Variants in GJB1 observed in about 807,000 individuals in gnomAD.
GJB1 encodes gap junction beta-1 protein.
Under a neutral mutation model 12.0 loss-of-function variants are expected in GJB1, and 1 was observed. The observed-to-expected ratio is 0.08, with a 90% CI of 0.03 to 0.40. The LOEUF is 0.40. Among genes scored for constraint, GJB1 ranks in the 10% least tolerant of loss-of-function variants. The probability of loss-of-function intolerance (pLI) is 0.98; values close to 1 mark genes in which losing one functional copy is unlikely to be tolerated. For missense variants in GJB1, 140 were observed against 250.3 expected, an observed-to-expected ratio of 0.56 and a Z score of 2.97; for synonymous variants, 114 against 102.8, an observed-to-expected ratio of 1.11 and a Z score of -0.66.
chrX:71,219,313 C>T (rs1316571277), upstream of GJB1, among the ~76,000 whole-genome samples: 1 of 109,232 alleles, frequency 9.2e-6, no homozygotes, highest in Non-Finnish European at 1.9e-5. Context: ...ATGGCACCAG[C>T]CACCATGCCT....
At chrX:71,217,137 T>TGTGTGTGTGTGTGTGC (rs1425482621) in intron 1 of GJB1, among the ~76,000 whole-genome samples, 12 of 108,729 alleles carry the variant, frequency 1.1e-4, no homozygotes, top group African/African-American at 4.0e-4. Flanking sequence ...TGTGTGTGTG[T>TGTGTGTGTGTGTGTGC]GTGCGTGTGC....
chrX:71,218,386 T>A (rs2092529388), upstream of GJB1, among the ~76,000 whole-genome samples: 1 of 84,249 alleles, frequency 1.2e-5, no homozygotes, highest in Admixed American at 1.3e-4. Flanking sequence ...TCCCTGTTCC[T>A]TTTTTTTTTT....
upstream of GJB1, among the ~76,000 whole-genome samples, chrX:71,219,882 G>T (rs1303542334): frequency 1.1e-5 from 1 of 92,991 alleles, no homozygotes; most frequent in African/African-American, 4.0e-5. Context: ...TCGTTCTGTC[G>T]CCCAGCCTGG....
At chrX:71,219,323 T>A (rs1019332054), upstream of GJB1, among the ~76,000 whole-genome samples, 1 of 109,373 alleles carries the variant, frequency 9.1e-6, no homozygotes, top group Non-Finnish European at 1.9e-5. Flanking sequence ...CCACCATGCC[T>A]GGATAATTTT....
At chrX:71,217,139 T>TGTGC in intron 1 of GJB1, among the ~76,000 whole-genome samples, 1 of 106,684 alleles carries the variant, frequency 9.4e-6, no homozygotes, top group South Asian at 4.1e-4. Flanking sequence ...TGTGTGTGTG[T>TGTGC]GCGTGTGCCA....
upstream of GJB1, chrX:71,222,509 G>C (rs1470355967): frequency 6.6e-5 from 7 of 105,550 alleles, no homozygotes; most frequent in Non-Finnish European, 1.2e-4. Flanking sequence ...TAAAGTGCTG[G>C]GATTACAGGC....
intron 1 of GJB1, among the ~76,000 whole-genome samples, chrX:71,216,446 A>G (rs1042681486): frequency 5.4e-5 from 6 of 110,297 alleles, no homozygotes; most frequent in Non-Finnish European, 7.6e-5. Context: ...GTTAGCCTTC[A>G]TTGCCTCACC....
At position 71,224,780 on chromosome X, in the gene GJB1, TGGGC is replaced by T; in HGVS notation, c.*222_*225del. The T allele has an allele frequency of 2.2e-6, 1 of 455,105 alleles. No homozygotes were observed. Among genetic ancestry groups the T allele is most frequent in the Middle Eastern group, 6.2e-4 (1 of 1,626 alleles). 37.5% of individuals were successfully genotyped at this position (455,105 alleles called of 1,213,427 possible). The stretch of plus-strand genomic sequence containing the variant: ...CCAGTGCTCAAGGTTACTGGGAGTG[TGGGC>T]TGCCCTTGTTGCCTGCACCCTTCCC... On this transcript the variant is annotated 3_prime_UTR_variant, in exon 2 of 2. Coordinates refer to ENST00000361726, the MANE Select transcript of GJB1 (RefSeq NM_000166.6).
rs961829342 is a variant in GJB1 at position 71,223,251 on chromosome X, C to A, written c.-101C>A. 1 of 204,182 alleles carries A rather than the reference C, an allele frequency of 4.9e-6. No homozygotes were observed. Among genetic ancestry groups the A allele is most frequent in the East Asian group, 1.1e-4 (1 of 8,726 alleles). 16.8% of individuals were successfully genotyped at this position (204,182 alleles called of 1,213,427 possible). ...GCGGTGATGAATTGGGACGCAGGCG[C>A]GGAGCCCAGGGACCACTCCCCCTGC... is the stretch of plus-strand genomic sequence containing the variant. On this transcript the variant is annotated 5_prime_UTR_variant, in exon 1 of 2. Transcript: ENST00000361726.
rs2092546200 is a variant in GJB1, at chrX:71,224,370, C to T, written c.663C>T (p.Ala221=). 2 of 1,210,505 alleles carry T rather than the reference C, an allele frequency of 1.7e-6. No homozygotes were observed. The highest frequency in any genetic ancestry group is 2.3e-4 in the Middle Eastern group (1 of 4,351). ...TCATCCGGGCCTGTGCCCGCCGAGC[C>T]CAGCGCCGCTCCAATCCACCTTCCC... is the stretch of plus-strand genomic sequence containing the variant. ...YLIIRACARR[A]QRRSNPPSRK... The change falls in exon 2 of 2, where the codon GCC becomes GCT. Residue 221 remains alanine, a synonymous_variant. Transcript: ENST00000361726.
At chrX:71,219,627 AG>A (rs1346141849), upstream of GJB1, among the ~76,000 whole-genome samples, 1 of 102,750 alleles carries the variant, frequency 9.7e-6, no homozygotes, top group Non-Finnish European at 2.0e-5. Context: ...AAAAAAAATT[AG>A]CCAGGCGTGG....
upstream of GJB1, chrX:71,222,818 C>A (rs758186264): frequency 6.3e-5 from 7 of 111,526 alleles, no homozygotes; most frequent in East Asian, 2.0e-3. Flanking sequence ...AGCTCTCTTT[C>A]CTGTCCTCTT....
chrX:71,224,412 C>T lies in GJB1; in HGVS notation c.705C>T (p.Phe235=), dbSNP rs760150310. 4.0e-5 allele frequency: 48 copies of T among 1,208,074 alleles called. No homozygotes were observed. The highest frequency in any genetic ancestry group is 1.8e-5 in the African/African-American group (1 of 57,032). Residue 235 remains phenylalanine, a synonymous_variant, in exon 2 of 2, where the codon TTC becomes TTT. Coordinates refer to ENST00000361726, the MANE Select transcript of GJB1 (RefSeq NM_000166.6). Reference sequence around the variant, plus strand: ...CACCTTCCCGCAAGGGCTCGGGCTTCGGCCACCGCCTCTCACCTGAATACA... The same window carrying T: ...CACCTTCCCGCAAGGGCTCGGGCTTTGGCCACCGCCTCTCACCTGAATACA... ...SNPPSRKGSG[F]GHRLSPEYKQ...
upstream of GJB1, among the ~76,000 whole-genome samples, chrX:71,222,958 A>C (rs1349856733): frequency 9.1e-6 from 1 of 110,212 alleles, no homozygotes; most frequent in East Asian, 2.9e-4. Flanking sequence ...CTTCACATCC[A>C]CCTGCCTGTG....
At position 71,224,501 on chromosome X, in the gene GJB1, G is replaced by A. The variant is rs781315897; in HGVS notation, c.794G>A (p.Arg265His). 2 of 1,197,737 alleles carry A rather than the reference G, an allele frequency of 1.7e-6. No individual in the cohort carries two copies. Among genetic ancestry groups the A allele is most frequent in the Non-Finnish European group, 2.3e-6 (2 of 887,708 alleles). The change falls in exon 2 of 2, where the codon CGC becomes CAC. Residue 265 changes from arginine to histidine, a missense_variant. Coordinates refer to ENST00000361726, the MANE Select transcript of GJB1 (RefSeq NM_000166.6). ...GGCTCCCTGAAAGACATACTGCGCC[G>A]CAGCCCTGGCACCGGGGCTGGGCTG... ...QDGSLKDILR[R>H]SPGTGAGLAE...
upstream of GJB1, among the ~76,000 whole-genome samples, chrX:71,220,553 C>A (rs1211289612): frequency 1.8e-5 from 2 of 109,637 alleles, no homozygotes; most frequent in Non-Finnish European, 3.8e-5. Flanking sequence ...TTCCCCCAGG[C>A]TGGAGTGCAG....
Position 71,224,585 on chromosome X carries a change from C to T in GJB1, c.*26C>T, listed in dbSNP as rs1314722080. 4 of 736,292 alleles carry T rather than the reference C, an allele frequency of 5.4e-6. No individual in the cohort carries two copies. In the South Asian group the frequency reaches 9.1e-5, roughly 17 times the overall value. 60.7% of individuals were successfully genotyped at this position (736,292 alleles called of 1,213,427 possible). On this transcript the variant is annotated 3_prime_UTR_variant, in exon 2 of 2. Transcript: ENST00000361726. ...TGCCACATACCAGGCAACCTCCCAT[C>T]CCACCCCCGACCCTGCCCTGGGCGA...
Position 71,215,460 on chromosome X carries a change from A to T in GJB1, c.-17+189A>T, listed in dbSNP as rs982742502. Among the ~76,000 whole-genome samples the T allele has an allele frequency of 2.7e-5, 3 of 111,815 alleles. No individual in the cohort carries two copies. The Admixed American group carries it at 2.9e-4, about 11-fold the overall frequency. Reference sequence around the variant, plus strand: ...TGAGGCCCCTCCTGCCAGGTGCCAGACTTGCTTAGCCTCTCTCTGCAGCCT... The same window carrying T: ...TGAGGCCCCTCCTGCCAGGTGCCAGTCTTGCTTAGCCTCTCTCTGCAGCCT... On this transcript the variant is annotated intron_variant, in intron 1 of 1. Coordinates refer to the GJB1 transcript ENST00000374029.
upstream of GJB1, among the ~76,000 whole-genome samples, chrX:71,222,166 C>T (rs2092538987): frequency 9.0e-6 from 1 of 110,611 alleles, no homozygotes; most frequent in African/African-American, 3.3e-5. Flanking sequence ...AAACAACCCA[C>T]AGCATTAGGG....
Sources: allele counts gnomAD v4.1 joint callset (sites outside exome capture counted in the v4.1 genomes callset), GRCh38; gene constraint gnomAD v4.1.1; transcripts MANE v1.5; gene names NCBI Gene and HGNC (gene_info 2026-07-23, HGNC 2026-07-21).